The following TPO variants were observed in gnomAD, a reference collection of about 807,000 sequenced individuals.
TPO encodes the protein thyroid peroxidase, also known as thyroid microsomal antigen.
Under a neutral mutation model 96.9 loss-of-function variants are expected in TPO, and 78 were observed. That is an observed-to-expected ratio of 0.81 (90% confidence interval 0.67 to 0.97). The LOEUF is 0.97. Among genes scored for constraint, TPO ranks in the 50% least tolerant of loss-of-function variants. The pLI, the probability that TPO is intolerant of heterozygous loss-of-function variation, is 0.00. For synonymous variants in TPO, 547 were observed against 538.0 expected (o/e 1.02, Z -0.23); for missense variants, 1,252 against 1,274.8 (o/e 0.98, Z 0.27).
chr2:1,453,974 T>G, intron 6 of TPO, 151 bp downstream of exon 6: 1 of 1,285,240 alleles, frequency 7.8e-7, no homozygotes. Context: ...TAGCAATCAC[T>G]GTTTCTGCCC....
At chr2:1,421,796 C>T (rs1323065127) in intron 2 of TPO, among the ~76,000 whole-genome samples, 7 of 152,148 alleles carry the variant, frequency 4.6e-5, no homozygotes, top group Non-Finnish European at 8.8e-5. Context: ...ACCGATCCTG[C>T]GACGCCCAGG....
At chr2:1,432,186 G>C (rs1665045888) in intron 3 of TPO, among the ~76,000 whole-genome samples, 1 of 152,252 alleles carries the variant, frequency 6.6e-6, no homozygotes, top group South Asian at 2.1e-4. Context: ...GCTGCCAAAG[G>C]TGATTGACTC....
At chr2:1,506,493 C>T (rs890623388) in intron 14 of TPO, among the ~76,000 whole-genome samples, 8 of 152,158 alleles carry the variant, frequency 5.3e-5, no homozygotes, top group Non-Finnish European at 1.0e-4. Flanking sequence ...AGTTTACAGT[C>T]CCACCAACAG....
intron 15 of TPO, among the ~76,000 whole-genome samples, chr2:1,537,023 T>A (rs1190727216): frequency 0.024 from 386 of 15,796 alleles, no homozygotes; most frequent in African/African-American, 0.077. Flanking sequence ...GTGTGCAACG[T>A]CCTCAAATAC....
At position 1,511,152 on chromosome 2, in the gene TPO, C is replaced by CCTGGGGGTGCCACAGCACAGCCCTGCAGA. The variant is rs1558385463; in HGVS notation, c.2519-5684_2519-5656dup. The stretch of plus-strand genomic sequence containing the variant: ...GCGGTTAAAGGAACTGTATTCATTT[C>CCTGGGGGTGCCACAGCACAGCCCTGCAGA]CTGGGGGTGCCACAGCACAGCCCTG... On this transcript the variant is annotated intron_variant, in intron 14 of 16. Transcript: ENST00000329066. Among the ~76,000 whole-genome samples the CCTGGGGGTGCCACAGCACAGCCCTGCAGA allele has an allele frequency of 7.6e-3, 957 of 126,306 alleles. 342 individuals are homozygous for CCTGGGGGTGCCACAGCACAGCCCTGCAGA. The highest frequency in any genetic ancestry group is 0.013 in the South Asian group (53 of 4,020). 82.9% of individuals were successfully genotyped at this position (126,306 alleles called of 152,430 possible). A position where few individuals can be genotyped will look rare whatever the true frequency, so the allele number is the denominator to read the frequency against.
chr2:1,420,128 T>C (rs1237319047), intron 2 of TPO, among the ~76,000 whole-genome samples: 1 of 152,210 alleles, frequency 6.6e-6, no homozygotes, highest in African/African-American at 2.4e-5. Flanking sequence ...TGCAAGCCTA[T>C]AAGAATGTTT....
At chr2:1,503,815 C>T (rs750374383) in intron 13 of TPO, 133 bp from the exon 14 acceptor site, 4 of 1,552,472 alleles carry the variant, frequency 2.6e-6, no homozygotes, top group Non-Finnish European at 3.5e-6. Context: ...GGCCGGTTCC[C>T]CCTAGACCAG....
chr2:1,500,436 G>A (rs774647098), intron 13 of TPO, among the ~76,000 whole-genome samples: 38 of 152,026 alleles, frequency 2.5e-4, no homozygotes, highest in South Asian at 6.2e-4. Context: ...TTTCAAAATC[G>A]AGAATCACAA....
At chr2:1,472,861 G>C (rs891374028) in intron 7 of TPO, among the ~76,000 whole-genome samples, 13 of 138,538 alleles carry the variant, frequency 9.4e-5, no homozygotes, top group Non-Finnish European at 1.2e-4. Context: ...AGGAGAGAGA[G>C]AGATATTTCG....
chr2:1,460,750 CAGGG>C (rs1441350211), intron 7 of TPO, among the ~76,000 whole-genome samples: 7 of 152,184 alleles, frequency 4.6e-5, no homozygotes, highest in African/African-American at 1.7e-4. Context: ...GGAAGCTCAG[CAGGG>C]AGGGAGCACG....
chr2:1,476,939 G>A (rs937700858), intron 7 of TPO, 147 bp from the exon 8 acceptor site: 23 of 1,061,148 alleles, frequency 2.2e-5, no homozygotes, highest in African/African-American at 4.8e-5. Context: ...GGGGAGGTGA[G>A]GGGACTGGCT....
chr2:1,417,015 A>G (rs1663032096), intron 2 of TPO, among the ~76,000 whole-genome samples: 1 of 152,218 alleles, frequency 6.6e-6, no homozygotes, highest in Admixed American at 6.5e-5. Flanking sequence ...CACCCATTTT[A>G]TAGATCAAAA....
intron 15 of TPO, among the ~76,000 whole-genome samples, chr2:1,535,240 CCA>C (rs1679331696): frequency 8.6e-6 from 1 of 116,728 alleles, no homozygotes; most frequent in Non-Finnish European, 1.9e-5. Flanking sequence ...CTCCCCAAAT[CCA>C]CCCCACTCTG....
intron 16 of TPO, chr2:1,541,476 C>T (rs1680762195): frequency 6.4e-6 from 1 of 155,670 alleles, no homozygotes; most frequent in Non-Finnish European, 1.4e-5. Context: ...CTTGCCTCAG[C>T]CTCTTGCGTG....
intron 1 of TPO, among the ~76,000 whole-genome samples, chr2:1,391,017 A>G (rs1006207256): frequency 2.0e-5 from 3 of 152,188 alleles, no homozygotes; most frequent in African/African-American, 7.2e-5. Flanking sequence ...TTTGCTGTGC[A>G]GAAGCTCTTT....
intron 5 of TPO, among the ~76,000 whole-genome samples, chr2:1,447,132 G>C (rs2148553926): frequency 6.6e-6 from 1 of 152,254 alleles, no homozygotes; most frequent in South Asian, 2.1e-4. Flanking sequence ...GGAGAGTGAG[G>C]TCAGACGTGC....
At chr2:1,506,013 T>A (rs905649415) in intron 14 of TPO, among the ~76,000 whole-genome samples, 1 of 150,892 alleles carries the variant, frequency 6.6e-6, no homozygotes, top group African/African-American at 2.4e-5. Context: ...ATTTGGTATA[T>A]CTCCTAATGC....
chr2:1,453,304 C>T (rs145955537), intron 5 of TPO, among the ~76,000 whole-genome samples: 44 of 152,320 alleles, frequency 2.9e-4, no homozygotes, highest in South Asian at 1.2e-3. Context: ...ATGTTTTATG[C>T]CACAGGATTT....
In TPO at chr2:1,475,414, C is replaced by CT. The variant is rs1298025325; in HGVS notation, c.820-1661dup. On this transcript the variant is annotated intron_variant, in intron 7 of 16. Coordinates refer to ENST00000329066, the MANE Select transcript of TPO (RefSeq NM_001206744.2). ...CTCCCTGAGGCTCTCAGTGGAAGCG[C>CT]TTTTTTTTTTTCTTTTTTCTTTTTT... Among the ~76,000 whole-genome samples the CT allele has an allele frequency of 6.3e-4, 91 of 145,332 alleles. 1 individual carries two copies. Among genetic ancestry groups the CT allele is most frequent in the South Asian group, 2.9e-3 (13 of 4,474 alleles).
Sources: gnomAD v4.1 joint callset for allele counts (sites outside exome capture counted in the v4.1 genomes callset) on GRCh38, gnomAD v4.1.1 for gene constraint, MANE v1.5 for transcripts, NCBI Gene and HGNC (gene_info 2026-07-23, HGNC 2026-07-21) for gene names.